HDAC9: variants seen among roughly 807,000 people sequenced by gnomAD.
HDAC9 encodes MEF-2 interacting transcription repressor (MITR) protein.
Under a neutral mutation model 139.4 loss-of-function variants are expected in HDAC9, and 41 were observed. That is an observed-to-expected ratio of 0.29 (90% CI 0.23 to 0.38). The LOEUF is 0.38. Ranked by LOEUF, HDAC9 falls within the 10% of genes least tolerant of loss-of-function variation. The pLI is 1.00. For synonymous variants in HDAC9, 517 were observed against 476.2 expected (o/e 1.09, Z -1.12); for missense variants, 1,147 against 1,297.0 (o/e 0.88, Z 1.78).
At chr7:18,394,691 A>G (rs776388267) in intron 1 of HDAC9, among the ~76,000 whole-genome samples, 25 of 152,072 alleles carry the variant, frequency 1.6e-4, no homozygotes, top group Non-Finnish European at 3.2e-4. Flanking sequence ...AATAGACTAC[A>G]TTTCATTTCT....
At chr7:18,821,433 C>A (rs2129199181) in intron 17 of HDAC9, among the ~76,000 whole-genome samples, 1 of 152,176 alleles carries the variant, frequency 6.6e-6, no homozygotes, top group East Asian at 1.9e-4. Context: ...GGAAGACATC[C>A]CACATAGAAC....
intron 22 of HDAC9, among the ~76,000 whole-genome samples, chr7:18,888,629 TC>T (rs1202991313): frequency 2.0e-5 from 3 of 152,210 alleles, no homozygotes; most frequent in Non-Finnish European, 4.4e-5. Flanking sequence ...ATCAGCTTCT[TC>T]CATGAGAAAT....
chr7:18,375,034 T>G (rs1384042686), intron 1 of HDAC9, among the ~76,000 whole-genome samples: 1 of 152,136 alleles, frequency 6.6e-6, no homozygotes, highest in East Asian at 1.9e-4. Context: ...TGTTACTGGT[T>G]TATGTATTTA....
intron 24 of HDAC9, among the ~76,000 whole-genome samples, chr7:18,957,393 C>T (rs1783227234): frequency 6.6e-6 from 1 of 152,078 alleles, no homozygotes; most frequent in Non-Finnish European, 1.5e-5. Flanking sequence ...TTATGGGCTC[C>T]CTGATTAGTA....
intron 16 of HDAC9, among the ~76,000 whole-genome samples, chr7:18,769,215 A>G (rs566617099): frequency 6.6e-6 from 1 of 152,130 alleles, no homozygotes; most frequent in South Asian, 2.1e-4. Context: ...TATCCCTTCA[A>G]TGCGAAGTTC....
At chr7:18,127,597 A>G (rs1390953973) in intron 1 of HDAC9, among the ~76,000 whole-genome samples, 1 of 152,130 alleles carries the variant, frequency 6.6e-6, no homozygotes, top group Non-Finnish European at 1.5e-5. Context: ...TAAAAAAGGA[A>G]TAGGATTAGC....
At chr7:18,426,758 A>G (rs1790155045) in intron 1 of HDAC9, among the ~76,000 whole-genome samples, 1 of 152,206 alleles carries the variant, frequency 6.6e-6, no homozygotes, top group South Asian at 2.1e-4. Context: ...TGTGTTATTC[A>G]AGATGACTTG....
chr7:18,755,904 A>G (rs1360815102), intron 14 of HDAC9, among the ~76,000 whole-genome samples: 2 of 152,168 alleles, frequency 1.3e-5, no homozygotes, highest in Non-Finnish European at 2.9e-5. Flanking sequence ...ATTTTTACTC[A>G]TCAACCTTCC....
intron 1 of HDAC9, among the ~76,000 whole-genome samples, chr7:18,442,064 C>G (rs1196192080): frequency 6.6e-6 from 1 of 152,104 alleles, no homozygotes; most frequent in East Asian, 1.9e-4. Flanking sequence ...GCCCCTGTGC[C>G]CGGCTGGGAC....
At chr7:18,857,861 T>A (rs1797806732) in intron 21 of HDAC9, among the ~76,000 whole-genome samples, 1 of 152,120 alleles carries the variant, frequency 6.6e-6, no homozygotes, top group Non-Finnish European at 1.5e-5. Flanking sequence ...ACATTCCCAT[T>A]TTCAATGGGA....
intron 22 of HDAC9, among the ~76,000 whole-genome samples, chr7:18,922,638 A>G (rs1803859889): frequency 2.6e-5 from 4 of 152,122 alleles, no homozygotes; most frequent in Non-Finnish European, 5.9e-5. Flanking sequence ...TTTAAGAAAT[A>G]TGAGTTAGTC....
intron 1 of HDAC9, among the ~76,000 whole-genome samples, chr7:18,116,778 G>T (rs1024518786): frequency 1.3e-5 from 2 of 152,110 alleles, no homozygotes; most frequent in Admixed American, 6.6e-5. Context: ...AGAAAGATCT[G>T]TGACTTCTAT....
At chr7:18,617,071 G>T (rs1440412773) in intron 6 of HDAC9, among the ~76,000 whole-genome samples, 1 of 152,102 alleles carries the variant, frequency 6.6e-6, no homozygotes, top group African/African-American at 2.4e-5. Flanking sequence ...ATTTCATCCA[G>T]TACTAACTTC....
At chr7:18,860,873 T>C (rs947722053) in intron 21 of HDAC9, among the ~76,000 whole-genome samples, 1 of 152,146 alleles carries the variant, frequency 6.6e-6, no homozygotes, top group Admixed American at 6.6e-5. Flanking sequence ...TGCATTATGC[T>C]GGCAAAGACC....
At chr7:18,422,416 G>A (rs1003667003) in intron 1 of HDAC9, among the ~76,000 whole-genome samples, 1 of 152,178 alleles carries the variant, frequency 6.6e-6, no homozygotes, top group African/African-American at 2.4e-5. Context: ...TAGCCTGGTT[G>A]GAGAATGCAT....
chr7:18,273,070 T>C, intron 2 of HDAC9, among the ~76,000 whole-genome samples: 1 of 133,218 alleles, frequency 7.5e-6, no homozygotes, highest in South Asian at 2.3e-4. Flanking sequence ...TTTTTTTTTT[T>C]TTTTTTTTTT....
intron 2 of HDAC9, among the ~76,000 whole-genome samples, chr7:18,527,057 T>A (rs1807180804): frequency 6.6e-6 from 1 of 151,912 alleles, no homozygotes; most frequent in Non-Finnish European, 1.5e-5. Flanking sequence ...TAGAAAAGAG[T>A]TCTTGAGGTT....
At chr7:18,656,304 A>G (rs892041236) in intron 11 of HDAC9, among the ~76,000 whole-genome samples, 3 of 152,146 alleles carry the variant, frequency 2.0e-5, no homozygotes, top group Non-Finnish European at 4.4e-5. Context: ...GTCCTGCAAC[A>G]GTCTCCGGTC....
intron 12 of HDAC9, among the ~76,000 whole-genome samples, chr7:18,679,531 CCTTTCTTCCTTT>C (rs1178623015): frequency 7.0e-6 from 1 of 143,874 alleles, no homozygotes; most frequent in Non-Finnish European, 1.6e-5. Context: ...TTTCTTTCTT[CCTTTCTTCCTTT>C]CTTTCTTTTT....
Sources: allele counts gnomAD v4.1 joint callset (sites outside exome capture counted in the v4.1 genomes callset), GRCh38; gene constraint gnomAD v4.1.1; transcripts MANE v1.5; gene names NCBI Gene and HGNC (gene_info 2026-07-23, HGNC 2026-07-21).